SRBD1: variants seen among roughly 807,000 people sequenced by gnomAD.
SRBD1 encodes S1 RNA binding domain 1, also known as S1 RNA-binding domain-containing protein 1.
Under a neutral mutation model 115.3 loss-of-function variants are expected in SRBD1, and 88 were observed. The ratio of observed to expected loss-of-function variants is 0.76; its 90% CI spans 0.64 to 0.91. The LOEUF is 0.91. SRBD1 is among the 40% of genes least tolerant of loss of function. SRBD1 has a pLI of 0.00. For missense variants in SRBD1, 1,385 were observed against 1,177.4 expected (o/e 1.18, Z -2.58); for synonymous variants, 509 against 407.7 (o/e 1.25, Z -2.99).
intron 16 of SRBD1, among the ~76,000 whole-genome samples, chr2:45,430,538 T>C: frequency 6.6e-6 from 1 of 152,160 alleles, no homozygotes; most frequent in Non-Finnish European, 1.5e-5. Flanking sequence ...AAACAAGCAA[T>C]GGGGAAAGGA....
At chr2:45,469,157 T>C (rs1280788027) in intron 16 of SRBD1, among the ~76,000 whole-genome samples, 1 of 152,192 alleles carries the variant, frequency 6.6e-6, no homozygotes, top group African/African-American at 2.4e-5. Context: ...TGTCTATGGA[T>C]GGTCTATATA....
intron 4 of SRBD1, among the ~76,000 whole-genome samples, chr2:45,593,189 A>C (rs1051623854): frequency 1.3e-5 from 2 of 152,148 alleles, no homozygotes; most frequent in Non-Finnish European, 2.9e-5. Context: ...ATTACGTTCC[A>C]AACACTCTTA....
chr2:45,441,814 A>G (rs1470685584), intron 16 of SRBD1, among the ~76,000 whole-genome samples: 4 of 152,230 alleles, frequency 2.6e-5, no homozygotes, highest in Admixed American at 2.6e-4. Flanking sequence ...GCAGGCATCA[A>G]TCAACAGCAA....
chr2:45,462,641 G>A (rs758266424), intron 16 of SRBD1, among the ~76,000 whole-genome samples: 78 of 149,770 alleles, frequency 5.2e-4, no homozygotes, highest in South Asian at 2.3e-3. Context: ...GTGAAACCCC[G>A]TCTGTACTAA....
chr2:45,553,512 A>G (rs1672368711), intron 11 of SRBD1, 111 bp downstream of exon 11: 1 of 627,358 alleles, frequency 1.6e-6, no homozygotes, highest in Non-Finnish European at 2.5e-6. Context: ...GATGCTGACT[A>G]AATTCTTTCG....
At chr2:45,408,316 A>G (rs1364954211) in intron 19 of SRBD1, among the ~76,000 whole-genome samples, 1 of 152,214 alleles carries the variant, frequency 6.6e-6, no homozygotes, top group Non-Finnish European at 1.5e-5. Context: ...AAACTGGATA[A>G]TGGGGATGGT....
At chr2:45,463,116 A>G (rs1167456663) in intron 16 of SRBD1, among the ~76,000 whole-genome samples, 3 of 151,944 alleles carry the variant, frequency 2.0e-5, no homozygotes, top group Non-Finnish European at 4.4e-5. Context: ...AAGAAAGACA[A>G]TGTAACACAA....
intron 14 of SRBD1, among the ~76,000 whole-genome samples, chr2:45,505,777 A>T (rs1330144117): frequency 2.0e-5 from 3 of 151,858 alleles, no homozygotes; most frequent in Non-Finnish European, 4.4e-5. Context: ...AGGAAGAGAG[A>T]CCCAAAGAGT....
chr2:45,557,144 A>C (rs1672505059), intron 10 of SRBD1, among the ~76,000 whole-genome samples: 1 of 152,214 alleles, frequency 6.6e-6, no homozygotes, highest in Non-Finnish European at 1.5e-5. Flanking sequence ...TCTAGGAAAT[A>C]AAGTGGCAAG....
At chr2:45,430,021 T>C (rs1003666557) in intron 16 of SRBD1, among the ~76,000 whole-genome samples, 5 of 152,186 alleles carry the variant, frequency 3.3e-5, no homozygotes, top group Middle Eastern at 3.4e-3. Flanking sequence ...AAATTATGAG[T>C]GAACTCCCAT....
chr2:45,552,504 T>C (rs1171796327), intron 11 of SRBD1, among the ~76,000 whole-genome samples: 1 of 151,990 alleles, frequency 6.6e-6, no homozygotes, highest in Non-Finnish European at 1.5e-5. Flanking sequence ...ATCAAAAATA[T>C]ATGCAAAAAA....
chr2:45,610,491 A>T (rs1338311173), intron 1 of SRBD1, among the ~76,000 whole-genome samples: 1 of 152,202 alleles, frequency 6.6e-6, no homozygotes, highest in African/African-American at 2.4e-5. Context: ...GTTTACTCAA[A>T]GGGGAAAGAT....
intron 14 of SRBD1, among the ~76,000 whole-genome samples, chr2:45,492,986 T>C (rs1475787794): frequency 6.6e-6 from 1 of 152,228 alleles, no homozygotes; most frequent in Non-Finnish European, 1.5e-5. Flanking sequence ...ATATAATTAC[T>C]CAACACTGAC....
intron 14 of SRBD1, among the ~76,000 whole-genome samples, chr2:45,494,918 G>T (rs1670409366): frequency 6.6e-6 from 1 of 152,132 alleles, no homozygotes; most frequent in South Asian, 2.1e-4. Flanking sequence ...TCAATTACCA[G>T]CGTTTTGTTT....
At chr2:45,588,291 G>C (rs1298081630) in intron 4 of SRBD1, among the ~76,000 whole-genome samples, 2 of 152,100 alleles carry the variant, frequency 1.3e-5, no homozygotes, top group East Asian at 3.8e-4. Context: ...ATCTTATCCA[G>C]TCTTTCCCTA....
intron 14 of SRBD1, among the ~76,000 whole-genome samples, chr2:45,525,889 T>C (rs1455756962): frequency 6.6e-6 from 1 of 152,052 alleles, no homozygotes; most frequent in Non-Finnish European, 1.5e-5. Flanking sequence ...TCATTAGTCA[T>C]CAGGAAAATC....
chr2:45,522,070 G>A (rs1671301710), intron 14 of SRBD1, among the ~76,000 whole-genome samples: 3 of 151,886 alleles, frequency 2.0e-5, no homozygotes, highest in Non-Finnish European at 4.4e-5. Flanking sequence ...ATACACAATA[G>A]CCAGTAGGTG....
chr2:45,490,065 A>C (rs947899300), intron 14 of SRBD1, among the ~76,000 whole-genome samples: 3 of 152,184 alleles, frequency 2.0e-5, no homozygotes, highest in Admixed American at 6.5e-5. Context: ...CAGCTTCAAA[A>C]TTAAAAGGTA....
intron 4 of SRBD1, among the ~76,000 whole-genome samples, chr2:45,591,755 T>C (rs899688768): frequency 6.6e-6 from 1 of 152,186 alleles, no homozygotes; most frequent in Non-Finnish European, 1.5e-5. Context: ...ACATTGCCTC[T>C]CTAAAAGTGA....
Sources: allele counts gnomAD v4.1 joint callset (sites outside exome capture counted in the v4.1 genomes callset), GRCh38; gene constraint gnomAD v4.1.1; transcripts MANE v1.5; gene names NCBI Gene and HGNC (gene_info 2026-07-23, HGNC 2026-07-21).